Variants in PXDNL observed in about 807,000 individuals in gnomAD.
PXDNL encodes probable oxidoreductase PXDNL.
A neutral mutation model predicts 150.8 loss-of-function variants in PXDNL; 145 were observed. The observed-to-expected ratio is 0.96, with a 90% confidence interval of 0.84 to 1.10. The LOEUF (loss-of-function observed/expected upper bound fraction) is 1.10, where lower values mean the gene tolerates loss of function less well. PXDNL is among the 50% of genes least tolerant of loss of function. PXDNL has a pLI of 0.00. For synonymous variants in PXDNL, 757 were observed against 725.7 expected (o/e 1.04, Z -0.69); for missense variants, 2,087 against 1,873.9 (o/e 1.11, Z -2.10).
At chr8:51,435,210 A>C (rs1809362890) in intron 12 of PXDNL, among the ~76,000 whole-genome samples, 1 of 151,980 alleles carries the variant, frequency 6.6e-6, no homozygotes, top group Non-Finnish European at 1.5e-5. Flanking sequence ...AATCCCAGCT[A>C]CTCAGGAGGC....
intron 2 of PXDNL, among the ~76,000 whole-genome samples, chr8:51,620,081 A>T (rs187715956): frequency 8.5e-5 from 13 of 152,260 alleles, no homozygotes; most frequent in African/African-American, 3.1e-4. Context: ...GCAACACACC[A>T]TTTTGCCCTC....
intron 1 of PXDNL, among the ~76,000 whole-genome samples, chr8:51,797,167 C>T (rs1295328156): frequency 6.6e-6 from 1 of 152,122 alleles, no homozygotes; most frequent in Non-Finnish European, 1.5e-5. Flanking sequence ...ATTGATAGAA[C>T]ATACCTCAAA....
At chr8:51,637,428 A>C (rs1033496916) in intron 2 of PXDNL, among the ~76,000 whole-genome samples, 5 of 152,208 alleles carry the variant, frequency 3.3e-5, no homozygotes, top group Non-Finnish European at 4.4e-5. Context: ...GTTCGAACCC[A>C]TCGCAAAGAA....
At chr8:51,417,617 C>T (rs997448025) in intron 14 of PXDNL, among the ~76,000 whole-genome samples, 4 of 152,160 alleles carry the variant, frequency 2.6e-5, no homozygotes, top group African/African-American at 7.2e-5. Context: ...TTTATCCTCC[C>T]CCTTTTTCCC....
intron 1 of PXDNL, among the ~76,000 whole-genome samples, chr8:51,740,590 C>T (rs919125335): frequency 4.6e-5 from 7 of 152,058 alleles, no homozygotes; most frequent in African/African-American, 1.7e-4. Flanking sequence ...CAGTGATTTG[C>T]TTTTTTTCAT....
chr8:51,696,805 T>C (rs1360531424), intron 1 of PXDNL, among the ~76,000 whole-genome samples: 1 of 26,366 alleles, frequency 3.8e-5, no homozygotes, highest in Non-Finnish European at 6.7e-5. Flanking sequence ...ACATAGGTCT[T>C]CACACACACA....
chr8:51,726,777 TA>T (rs1399996015), intron 1 of PXDNL, among the ~76,000 whole-genome samples: 7 of 152,006 alleles, frequency 4.6e-5, no homozygotes, highest in African/African-American at 1.7e-4. Flanking sequence ...AAAGCTTATT[TA>T]AAAAAATCTA....
intron 21 of PXDNL, among the ~76,000 whole-genome samples, chr8:51,322,841 G>A (rs1805367164): frequency 6.6e-6 from 1 of 152,218 alleles, no homozygotes; most frequent in Non-Finnish European, 1.5e-5. Context: ...TAGCATGAGT[G>A]CCTACACTTG....
chr8:51,568,078 T>C (rs1812862247), intron 3 of PXDNL, among the ~76,000 whole-genome samples: 1 of 151,830 alleles, frequency 6.6e-6, no homozygotes, highest in Non-Finnish European at 1.5e-5. Flanking sequence ...ATTCCTGTCA[T>C]TCCACTTATC....
chr8:51,599,218 G>C (rs1368688970), intron 2 of PXDNL, among the ~76,000 whole-genome samples: 1 of 151,856 alleles, frequency 6.6e-6, no homozygotes, highest in Non-Finnish European at 1.5e-5. Context: ...TATGGATTTT[G>C]GGTCTCAGTT....
chr8:51,371,948 C>T lies in PXDNL; in HGVS notation c.3826G>A (p.Glu1276Lys). 6.2e-7 allele frequency: 1 copy of T among 1,613,992 alleles called. No homozygotes were observed. The highest frequency in any genetic ancestry group is 8.5e-7 in the Non-Finnish European group (1 of 1,179,900). The change falls in exon 19 of 23, where the codon GAA becomes AAA. Residue 1276 changes from glutamate to lysine, a missense_variant. Transcript: ENST00000356297. Reference protein sequence around the residue: ...QVQADVFVKAEYPQDYLNCSE... With the variant: ...QVQADVFVKAKYPQDYLNCSE... ...CAGTTCAGGTAATCCTGTGGGTATT[C>T]TGCCTTTACAAAGACATCAGCCTGC...
intron 17 of PXDNL, among the ~76,000 whole-genome samples, chr8:51,393,895 G>C (rs569592172): frequency 6.6e-6 from 1 of 152,340 alleles, no homozygotes; most frequent in East Asian, 1.9e-4. Flanking sequence ...TCCGACTCCT[G>C]ACCTCTGAAG....
intron 1 of PXDNL, among the ~76,000 whole-genome samples, chr8:51,797,059 C>G (rs944612614): frequency 6.6e-6 from 1 of 152,126 alleles, no homozygotes; most frequent in African/African-American, 2.4e-5. Context: ...ATAAGCAGAA[C>G]TAAAGATAAA....
intron 4 of PXDNL, among the ~76,000 whole-genome samples, chr8:51,525,871 C>G (rs1394445620): frequency 6.6e-6 from 1 of 152,100 alleles, no homozygotes; most frequent in Non-Finnish European, 1.5e-5. Context: ...ACATATTTGC[C>G]CTAAAGACAC....
intron 1 of PXDNL, among the ~76,000 whole-genome samples, chr8:51,658,470 AT>A (rs1815202842): frequency 1.3e-5 from 2 of 152,110 alleles, no homozygotes; most frequent in Non-Finnish European, 2.9e-5. Context: ...CAAAATGAAT[AT>A]GTTAGCACTC....
intron 2 of PXDNL, among the ~76,000 whole-genome samples, chr8:51,646,808 C>A (rs1224724694): frequency 1.3e-5 from 2 of 152,028 alleles, no homozygotes; most frequent in East Asian, 3.9e-4. Context: ...AAATGACAAA[C>A]CAATGATTAG....
At chr8:51,737,231 C>G (rs568214216) in intron 1 of PXDNL, among the ~76,000 whole-genome samples, 1 of 152,222 alleles carries the variant, frequency 6.6e-6, no homozygotes, top group Non-Finnish European at 1.5e-5. Context: ...TGTTTTTCTG[C>G]TAATGGAAAC....
At chr8:51,673,470 G>A (rs1815542458) in intron 1 of PXDNL, among the ~76,000 whole-genome samples, 1 of 152,018 alleles carries the variant, frequency 6.6e-6, no homozygotes, top group African/African-American at 2.4e-5. Context: ...TATACTTATA[G>A]GCTTCCTCCA....
intron 1 of PXDNL, among the ~76,000 whole-genome samples, chr8:51,719,696 A>C (rs777354693): frequency 6.6e-6 from 1 of 151,962 alleles, no homozygotes; most frequent in Non-Finnish European, 1.5e-5. Flanking sequence ...AACTATAAAC[A>C]TGATTTTTTT....
Sources: gnomAD v4.1 joint callset for allele counts (sites outside exome capture counted in the v4.1 genomes callset) on GRCh38, gnomAD v4.1.1 for gene constraint, MANE v1.5 for transcripts, NCBI Gene and HGNC (gene_info 2026-07-23, HGNC 2026-07-21) for gene names.